The following NFYA variants were observed in gnomAD, a reference collection of about 807,000 sequenced individuals.
NFYA encodes nuclear transcription factor Y subunit alpha, also known as CAAT-box DNA binding protein subunit A.
Under a neutral mutation model 52.8 loss-of-function variants are expected in NFYA, and 28 were observed. The ratio of observed to expected loss-of-function variants is 0.53; its 90% CI spans 0.39 to 0.73. NFYA has a LOEUF of 0.73. Among genes scored for constraint, NFYA ranks in the 30% least tolerant of loss-of-function variants. The pLI is 0.00. For missense variants in NFYA, 234 were observed against 427.0 expected (o/e 0.55, Z 3.98); for synonymous variants, 150 against 150.7 (o/e 1.00, Z 0.03).
intron 9 of NFYA, 22 bp downstream of exon 9, chr6:41,094,519 ATTC>A: frequency 6.3e-7 from 1 of 1,580,918 alleles, no homozygotes; most frequent in Non-Finnish European, 8.7e-7. Flanking sequence ...TATACATTTT[ATTC>A]TTCTCTTTAT....
intron 6 of NFYA, 93 bp from the exon 7 acceptor site, chr6:41,091,435 G>A: frequency 7.8e-7 from 1 of 1,280,836 alleles, no homozygotes. Flanking sequence ...GGATCGGTGA[G>A]TGTATACCAG....
rs549694096 is a variant in NFYA, at chr6:41,097,226, A to T, written c.991-131A>T. 9.0e-5 allele frequency: 69 copies of T among 768,602 alleles called. No homozygotes were observed. In the African/African-American group the frequency reaches 1.0e-3, roughly 11 times the overall value. 47.6% of individuals were successfully genotyped at this position (768,602 alleles called of 1,614,324 possible). On this transcript the variant is annotated intron_variant, in intron 9 of 9. Transcript: ENST00000341376. Reference sequence around the variant, plus strand: ...CACTTTAAGCCATGTATGCAGACTTAAGATGTATTACAAGCCTTTGATTTA... The same window carrying T: ...CACTTTAAGCCATGTATGCAGACTTTAGATGTATTACAAGCCTTTGATTTA...
chr6:41,099,772 C>T lies in NFYA; in HGVS notation c.*2362C>T, dbSNP rs1259102589. On this transcript the variant is annotated 3_prime_UTR_variant, in exon 10 of 10. Coordinates refer to ENST00000341376, the MANE Select transcript of NFYA (RefSeq NM_002505.5). ...TGTATATATTTTAACTGCACTGGTACATTGAACATGTCAGTGTCGATGCCA... is the reference window on the plus strand; with the variant it reads ...TGTATATATTTTAACTGCACTGGTATATTGAACATGTCAGTGTCGATGCCA... The T allele has an allele frequency of 2.7e-5, 4 of 150,110 alleles. No homozygotes were observed. The highest frequency in any genetic ancestry group is 1.5e-5 in the Non-Finnish European group (1 of 67,784). 9.3% of individuals were successfully genotyped at this position (150,110 alleles called of 1,614,324 possible). A position where few individuals can be genotyped will look rare whatever the true frequency, so the allele number is the denominator to read the frequency against.
At chr6:41,090,420 G>C in intron 6 of NFYA, 111 bp downstream of exon 6, 1 of 555,972 alleles carries the variant, frequency 1.8e-6, no homozygotes, top group South Asian at 2.6e-5. Context: ...ATATTTTTTG[G>C]ACAAAAAAAA....
chr6:41,079,855 T>C (rs1763859154), intron 2 of NFYA, among the ~76,000 whole-genome samples: 1 of 152,190 alleles, frequency 6.6e-6, no homozygotes, highest in Non-Finnish European at 1.5e-5. Context: ...CAAAATGGAA[T>C]TTAGCTAATA....
chr6:41,081,489 C>CAA, intron 3 of NFYA, among the ~76,000 whole-genome samples: 1 of 102,168 alleles, frequency 9.8e-6, no homozygotes, highest in South Asian at 3.0e-4. Context: ...GACTCCGTCT[C>CAA]AAAAAAAAAA....
intron 9 of NFYA, among the ~76,000 whole-genome samples, chr6:41,096,654 G>C (rs1456917894): frequency 6.6e-6 from 1 of 152,196 alleles, no homozygotes; most frequent in Non-Finnish European, 1.5e-5. Flanking sequence ...TGCCTACCAA[G>C]GCTTCAGAGC....
At chr6:41,089,533 C>T in intron 4 of NFYA, 46 bp from the exon 5 acceptor site, 8 of 1,505,742 alleles carry the variant, frequency 5.3e-6, no homozygotes, top group Non-Finnish European at 7.1e-6. Context: ...CCAAAGGAGA[C>T]CAGTGTCAGT....
At chr6:41,086,290 T>C (rs1764041930) in intron 4 of NFYA, among the ~76,000 whole-genome samples, 1 of 152,178 alleles carries the variant, frequency 6.6e-6, no homozygotes, top group Non-Finnish European at 1.5e-5. Context: ...CATCCAAAAA[T>C]AAAATTTATA....
intron 8 of NFYA, 114 bp from the exon 9 acceptor site, chr6:41,094,282 C>T: frequency 1.2e-6 from 1 of 814,594 alleles, no homozygotes; most frequent in Non-Finnish European, 2.0e-6. Context: ...ATAATTGTCC[C>T]TTGTGACTTT....
chr6:41,087,716 T>TA (rs34732690), intron 4 of NFYA, among the ~76,000 whole-genome samples: 11,252 of 149,076 alleles, frequency 0.075, 534 homozygotes, highest in Middle Eastern at 0.13. Context: ...CTTTTGCACT[T>TA]AAAAAAAAAA....
Position 41,089,047 on chromosome 6 carries a change from G to A in NFYA, c.310-532G>A, listed in dbSNP as rs374743240. ...GTCGCCCAGGCTGGAGTGCAGTGGC[G>A]TGATCTCGGCTCACTGCAACCTCCG... On this transcript the variant is annotated intron_variant, in intron 4 of 9. Transcript: ENST00000341376. 3.9e-3 allele frequency among the ~76,000 whole-genome samples: 596 copies of A among 152,088 alleles called. 11 individuals carry two copies. The South Asian group carries it at 0.06, about 15-fold the overall frequency.
chr6:41,096,173 T>C (rs1397023801), intron 9 of NFYA, among the ~76,000 whole-genome samples: 1 of 152,230 alleles, frequency 6.6e-6, no homozygotes, highest in Non-Finnish European at 1.5e-5. Context: ...TCTCAAACTA[T>C]TTCTGTATAA....
rs1294674578 is a variant in NFYA, at chr6:41,102,375, C to G, written c.*4965C>G. On this transcript the variant is annotated 3_prime_UTR_variant, in exon 10 of 10. Transcript: ENST00000341376. The stretch of plus-strand genomic sequence containing the variant: ...TCCTTTGCACATTTGTATTTTATTT[C>G]AAAATAAAGTATTCTCTTCTAACAA... Among the ~76,000 whole-genome samples the G allele has an allele frequency of 6.6e-6, 1 of 152,106 alleles. No homozygotes were observed. The highest frequency in any genetic ancestry group is 1.5e-5 in the Non-Finnish European group (1 of 68,000).
intron 9 of NFYA, among the ~76,000 whole-genome samples, chr6:41,095,604 A>C (rs1364729050): frequency 6.6e-6 from 1 of 151,930 alleles, no homozygotes; most frequent in Non-Finnish European, 1.5e-5. Context: ...CTAATTTTTA[A>C]ATTTTTTGTA....
At chr6:41,088,268 A>C (rs1233037359) in intron 4 of NFYA, among the ~76,000 whole-genome samples, 1 of 151,636 alleles carries the variant, frequency 6.6e-6, no homozygotes, top group African/African-American at 2.4e-5. Flanking sequence ...AAGACAAAAA[A>C]AAAATTAAGC....
intron 3 of NFYA, among the ~76,000 whole-genome samples, chr6:41,082,610 T>A (rs144234677): frequency 2.3e-4 from 35 of 152,364 alleles, no homozygotes; most frequent in Middle Eastern, 6.8e-3. Context: ...AGATTTTATT[T>A]AAAAGAAGTG....
At position 41,094,713 on chromosome 6, in the gene NFYA, T is replaced by C. The variant is rs912845151; in HGVS notation, c.990+216T>C. Reference sequence around the variant, plus strand: ...CTGTAATCCCAACACTTTGGGAGGCTGAGGTGGGAAGCCCAGGATTTCAAG... The same window carrying C: ...CTGTAATCCCAACACTTTGGGAGGCCGAGGTGGGAAGCCCAGGATTTCAAG... On this transcript the variant is annotated intron_variant, in intron 9 of 9. Transcript: ENST00000341376. Among the ~76,000 whole-genome samples the C allele has an allele frequency of 5.9e-5, 9 of 152,198 alleles. No individual in the cohort carries two copies. The East Asian group carries it at 1.7e-3, about 29-fold the overall frequency.
At position 41,098,057 on chromosome 6, in the gene NFYA, C is replaced by G. The variant is rs1020023448; in HGVS notation, c.*647C>G. The G allele has an allele frequency of 6.5e-6, 1 of 152,708 alleles. No homozygotes were observed. The highest frequency in any genetic ancestry group is 6.5e-5 in the Admixed American group (1 of 15,282). 9.5% of individuals were successfully genotyped at this position (152,708 alleles called of 1,614,324 possible). ...TCTGGGGATAGAATGATAAAAGACT[C>G]AAGCACTAAAAATATACATTGCCGA... On this transcript the variant is annotated 3_prime_UTR_variant, in exon 10 of 10. Coordinates refer to ENST00000341376, the MANE Select transcript of NFYA (RefSeq NM_002505.5).
Sources: allele counts gnomAD v4.1 joint callset (sites outside exome capture counted in the v4.1 genomes callset), GRCh38; gene constraint gnomAD v4.1.1; transcripts MANE v1.5; gene names NCBI Gene and HGNC (gene_info 2026-07-23, HGNC 2026-07-21).